Variants in RIMS2 observed in about 807,000 individuals in gnomAD.
RIMS2 encodes regulating synaptic membrane exocytosis 2.
Under a neutral mutation model 174.4 loss-of-function variants are expected in RIMS2, and 59 were observed. The ratio of observed to expected loss-of-function variants is 0.34; its 90% CI spans 0.27 to 0.42. RIMS2 has a LOEUF of 0.42. RIMS2 is among the 10% of genes least tolerant of loss of function. RIMS2 has a pLI of 1.00. For synonymous variants in RIMS2, 606 were observed against 572.5 expected (o/e 1.06, Z -0.84); for missense variants, 1,620 against 1,666.3 (o/e 0.97, Z 0.48).
chr8:104,141,885 T>G (rs1566651703), intron 19 of RIMS2, among the ~76,000 whole-genome samples: 1 of 152,092 alleles, frequency 6.6e-6, no homozygotes, highest in Admixed American at 6.6e-5. Flanking sequence ...AACTTTTCAG[T>G]CCCTTGTTAT....
intron 19 of RIMS2, among the ~76,000 whole-genome samples, chr8:104,065,860 A>T (rs1361606317): frequency 6.6e-6 from 1 of 152,176 alleles, no homozygotes; most frequent in Non-Finnish European, 1.5e-5. Context: ...TGACATATTT[A>T]AATGGTTAGA....
intron 1 of RIMS2, among the ~76,000 whole-genome samples, chr8:103,519,328 A>G (rs958420082): frequency 6.6e-6 from 1 of 152,146 alleles, no homozygotes; most frequent in Admixed American, 6.6e-5. Context: ...CTTCAATAGG[A>G]AATCTTATGG....
intron 1 of RIMS2, among the ~76,000 whole-genome samples, chr8:103,503,874 A>G (rs1466015679): frequency 2.0e-5 from 3 of 152,078 alleles, no homozygotes; most frequent in African/African-American, 7.2e-5. Context: ...TGAGTGATCA[A>G]AACTGAGACC....
At chr8:103,642,459 A>C (rs1460976462) in intron 1 of RIMS2, among the ~76,000 whole-genome samples, 1 of 152,112 alleles carries the variant, frequency 6.6e-6, no homozygotes, top group Non-Finnish European at 1.5e-5. Context: ...GATTAAGAAT[A>C]AGAAAAATAA....
At chr8:104,062,479 A>T (rs933453262) in intron 19 of RIMS2, among the ~76,000 whole-genome samples, 1 of 152,244 alleles carries the variant, frequency 6.6e-6, no homozygotes, top group Non-Finnish European at 1.5e-5. Flanking sequence ...CTTTTAAAAT[A>T]CAGTTATGAG....
At chr8:103,672,443 T>C (rs1375493169) in intron 1 of RIMS2, among the ~76,000 whole-genome samples, 1 of 151,894 alleles carries the variant, frequency 6.6e-6, no homozygotes, top group East Asian at 1.9e-4. Flanking sequence ...AAAGTAAACA[T>C]GGTGCCGGCA....
chr8:104,062,625 C>T (rs1484055433), intron 19 of RIMS2, among the ~76,000 whole-genome samples: 1 of 152,128 alleles, frequency 6.6e-6, no homozygotes. Context: ...GTTTTCTCAT[C>T]TGTAATTGCC....
At chr8:103,661,998 G>A (rs906741687) in intron 1 of RIMS2, among the ~76,000 whole-genome samples, 56 of 152,130 alleles carry the variant, frequency 3.7e-4, no homozygotes, top group African/African-American at 1.3e-3. Context: ...ATAGACCTGG[G>A]GTGTCCAATC....
At chr8:104,217,551 G>A (rs2099136251) in intron 19 of RIMS2, among the ~76,000 whole-genome samples, 1 of 152,182 alleles carries the variant, frequency 6.6e-6, no homozygotes, top group Non-Finnish European at 1.5e-5. Flanking sequence ...CTACAGGCCT[G>A]AGCTGAAGTG....
At chr8:103,506,763 G>A (rs1248651044) in intron 1 of RIMS2, among the ~76,000 whole-genome samples, 32 of 152,144 alleles carry the variant, frequency 2.1e-4, no homozygotes, top group Admixed American at 2.1e-3. Flanking sequence ...GGGCTTTTAA[G>A]CGACTTCATT....
intron 4 of RIMS2, among the ~76,000 whole-genome samples, chr8:103,890,550 C>T (rs1264896561): frequency 1.3e-5 from 2 of 152,016 alleles, no homozygotes; most frequent in Admixed American, 1.3e-4. Context: ...GATTTTTGCG[C>T]ACTCTGTATG....
intron 14 of RIMS2, among the ~76,000 whole-genome samples, chr8:103,953,840 G>A (rs2086228555): frequency 6.6e-6 from 1 of 152,086 alleles, no homozygotes; most frequent in African/African-American, 2.4e-5. Flanking sequence ...CCATCAGTGT[G>A]CTGTATTCAG....
intron 19 of RIMS2, among the ~76,000 whole-genome samples, chr8:104,042,657 T>C (rs1346775376): frequency 6.6e-6 from 1 of 151,676 alleles, no homozygotes; most frequent in Non-Finnish European, 1.5e-5. Flanking sequence ...GTACATTTTA[T>C]CAGGATAGAG....
At chr8:103,976,387 A>C (rs968886115) in intron 16 of RIMS2, 2 of 152,166 alleles carry the variant, frequency 1.3e-5, no homozygotes, top group Non-Finnish European at 2.9e-5. Flanking sequence ...TTTCAATCAC[A>C]TATTGATATG....
At chr8:103,531,092 A>C (rs1836856131) in intron 1 of RIMS2, among the ~76,000 whole-genome samples, 1 of 151,506 alleles carries the variant, frequency 6.6e-6, no homozygotes, top group South Asian at 2.1e-4. Context: ...AAAATTAGTA[A>C]AACTATAGAA....
rs1455578992 is a variant in RIMS2, at chr8:103,501,079, A to G, written c.176+17A>G. 3.3e-6 allele frequency: 5 copies of G among 1,526,046 alleles called. No homozygotes were observed. The highest frequency in any genetic ancestry group is 4.4e-6 in the Non-Finnish European group (5 of 1,133,408). The allele number at this position is 1,526,046 out of a possible 1,614,324, so 94.5% of individuals were successfully genotyped here. A position where few individuals can be genotyped will look rare whatever the true frequency, so the allele number is the denominator to read the frequency against. On this transcript the variant is annotated intron_variant, in intron 1 of 23. Coordinates refer to ENST00000504942, the Ensembl canonical transcript of RIMS2. Reference sequence around the variant, plus strand: ...CGTGCTCAAGTAAGGACCTGGCTCCATATTCCCGCCTCTCTCCCTGCCCTC... The same window carrying G: ...CGTGCTCAAGTAAGGACCTGGCTCCGTATTCCCGCCTCTCTCCCTGCCCTC...
chr8:103,621,363 T>C (rs28729248), intron 1 of RIMS2, among the ~76,000 whole-genome samples: 1 of 152,150 alleles, frequency 6.6e-6, no homozygotes, highest in Non-Finnish European at 1.5e-5. Context: ...TCCCGATTGG[T>C]TAGCAACTTA....
chr8:104,199,434 G>A (rs2099043037), intron 19 of RIMS2, among the ~76,000 whole-genome samples: 1 of 152,150 alleles, frequency 6.6e-6, no homozygotes, highest in African/African-American at 2.4e-5. Flanking sequence ...GTAAAGGGAG[G>A]GAATCTTTCA....
chr8:103,614,041 G>C (rs2095448249), intron 1 of RIMS2, among the ~76,000 whole-genome samples: 1 of 152,232 alleles, frequency 6.6e-6, no homozygotes, highest in Admixed American at 6.5e-5. Flanking sequence ...CACCCCGGCT[G>C]GTGTCTCCAT....
Sources: gnomAD v4.1 joint callset for allele counts (sites outside exome capture counted in the v4.1 genomes callset) on GRCh38, gnomAD v4.1.1 for gene constraint, MANE v1.5 for transcripts, NCBI Gene and HGNC (gene_info 2026-07-23, HGNC 2026-07-21) for gene names.